MACROD2: variants seen among roughly 807,000 people sequenced by gnomAD.
MACROD2 encodes ADP-ribose glycohydrolase MACROD2.
Under a neutral mutation model 70.4 loss-of-function variants are expected in MACROD2, and 36 were observed. The observed-to-expected ratio is 0.51, with a 90% CI of 0.39 to 0.68. The LOEUF (loss-of-function observed/expected upper bound fraction) is 0.68. Ranked by LOEUF, MACROD2 falls within the 30% of genes least tolerant of loss-of-function variation. The probability of loss-of-function intolerance (pLI) is 0.00; values close to 1 mark genes in which losing one functional copy is unlikely to be tolerated. For missense variants in MACROD2, 496 were observed against 538.4 expected (o/e 0.92, Z 0.78); for synonymous variants, 172 against 178.8 (o/e 0.96, Z 0.30).
At chr20:14,199,630 T>C (rs145969560) in intron 3 of MACROD2, among the ~76,000 whole-genome samples, 1,537 of 152,306 alleles carry the variant, frequency 0.01, 25 homozygotes, top group African/African-American at 0.035. Flanking sequence ...TAGGTTACTA[T>C]GTACCATGTT....
rs537775388 is a variant in MACROD2, at chr20:14,282,119, T to G, written c.271+196391T>G. Among the ~76,000 whole-genome samples, 25 of 152,274 alleles carry G rather than the reference T, an allele frequency of 1.6e-4. No homozygotes were observed. In the East Asian group the frequency reaches 4.1e-3, roughly 25 times the overall value. Reference sequence around the variant, plus strand: ...GAGAATAATTGGATTCTATGTTTGCTTCTACATTCAATTTATTGTAATATA... The same window carrying G: ...GAGAATAATTGGATTCTATGTTTGCGTCTACATTCAATTTATTGTAATATA... On this transcript the variant is annotated intron_variant, in intron 3 of 17. Coordinates refer to ENST00000684519, the MANE Select transcript of MACROD2 (RefSeq NM_001351661.2).
chr20:15,847,904 AG>A (rs2147141998), intron 8 of MACROD2, among the ~76,000 whole-genome samples: 1 of 151,926 alleles, frequency 6.6e-6, no homozygotes, highest in South Asian at 2.1e-4. Flanking sequence ...AGGGAAAAAA[AG>A]ACTGTCTTAC....
intron 8 of MACROD2, among the ~76,000 whole-genome samples, chr20:15,804,446 T>G (rs994413319): frequency 1.3e-5 from 2 of 152,232 alleles, no homozygotes; most frequent in East Asian, 3.8e-4. Context: ...AAATATTCAC[T>G]GATTCTGTAA....
intron 3 of MACROD2, among the ~76,000 whole-genome samples, chr20:14,088,806 G>C (rs1454054488): frequency 1.3e-5 from 2 of 152,098 alleles, no homozygotes; most frequent in African/African-American, 4.8e-5. Flanking sequence ...TTGTTAAATT[G>C]AATTATTTAA....
chr20:15,699,018 C>T (rs536176756), intron 8 of MACROD2, among the ~76,000 whole-genome samples: 28 of 152,266 alleles, frequency 1.8e-4, no homozygotes, highest in South Asian at 1.0e-3. Flanking sequence ...CATTGGGCTA[C>T]GCCTTTCTCT....
chr20:14,191,105 A>G (rs905992198), intron 3 of MACROD2, among the ~76,000 whole-genome samples: 2 of 152,158 alleles, frequency 1.3e-5, no homozygotes, highest in Non-Finnish European at 2.9e-5. Context: ...TACTGTCCAC[A>G]TCTACTTTAC....
chr20:14,103,567 A>G (rs1245595414), intron 3 of MACROD2, among the ~76,000 whole-genome samples: 1 of 152,188 alleles, frequency 6.6e-6, no homozygotes. Flanking sequence ...TGTAAACTAG[A>G]ATAACAGAAC....
intron 5 of MACROD2, among the ~76,000 whole-genome samples, chr20:14,753,714 G>A (rs6034030): frequency 0.046 from 6,989 of 152,074 alleles, 576 homozygotes; most frequent in African/African-American, 0.16. Flanking sequence ...GAAAGTTATC[G>A]CTAGGCAGTT....
Position 15,476,365 on chromosome 20 carries a change from G to C in MACROD2, c.572-23409G>C, listed in dbSNP as rs144983000. Reference sequence around the variant, plus strand: ...AAAAGGAAAATGAAAGTGAAATAAGGAGAATGAGGTATTCCTTAGCCTTCA... The same window carrying C: ...AAAAGGAAAATGAAAGTGAAATAAGCAGAATGAGGTATTCCTTAGCCTTCA... On this transcript the variant is annotated intron_variant, in intron 7 of 17. Coordinates refer to ENST00000684519, the MANE Select transcript of MACROD2 (RefSeq NM_001351661.2). 2.3e-3 allele frequency among the ~76,000 whole-genome samples: 343 copies of C among 152,286 alleles called. 2 individuals are homozygous for C. The highest frequency in any genetic ancestry group is 7.8e-3 in the African/African-American group (325 of 41,556).
intron 4 of MACROD2, among the ~76,000 whole-genome samples, chr20:14,558,961 A>G (rs1979242458): frequency 6.6e-6 from 1 of 151,726 alleles, no homozygotes; most frequent in Admixed American, 6.6e-5. Context: ...CAAGCTTCAT[A>G]TTATAACACA....
At chr20:14,419,052 TG>T (rs200774280) in intron 3 of MACROD2, among the ~76,000 whole-genome samples, 95 of 149,134 alleles carry the variant, frequency 6.4e-4, no homozygotes, top group African/African-American at 6.8e-4. Flanking sequence ...GGATTTTTTT[TG>T]TTTTGTTTTT....
intron 5 of MACROD2, among the ~76,000 whole-genome samples, chr20:15,207,008 T>A (rs1451839390): frequency 6.6e-6 from 1 of 151,314 alleles, no homozygotes; most frequent in African/African-American, 2.4e-5. Flanking sequence ...AGTGCTGGGA[T>A]TACAGGCGTG....
At chr20:16,027,210 G>T (rs1319437483) in intron 15 of MACROD2, among the ~76,000 whole-genome samples, 1 of 152,150 alleles carries the variant, frequency 6.6e-6, no homozygotes, top group African/African-American at 2.4e-5. Context: ...TAGCAGAACC[G>T]CATGCATTTA....
At chr20:15,600,148 C>A (rs978021263) in intron 8 of MACROD2, among the ~76,000 whole-genome samples, 1 of 152,088 alleles carries the variant, frequency 6.6e-6, no homozygotes, top group Non-Finnish European at 1.5e-5. Context: ...ACTCCTCAGG[C>A]CAGTACAGAC....
chr20:14,342,447 C>G (rs2083022907), intron 3 of MACROD2, among the ~76,000 whole-genome samples: 1 of 152,106 alleles, frequency 6.6e-6, no homozygotes, highest in Non-Finnish European at 1.5e-5. Flanking sequence ...CCAGATTTTT[C>G]TGTCAACAGG....
At chr20:15,587,994 AC>A (rs968186089) in intron 8 of MACROD2, among the ~76,000 whole-genome samples, 3 of 152,050 alleles carry the variant, frequency 2.0e-5, no homozygotes, top group African/African-American at 7.3e-5. Flanking sequence ...GGGGGCTTCA[AC>A]CCCACATTTT....
intron 3 of MACROD2, among the ~76,000 whole-genome samples, chr20:14,182,689 T>A (rs1276736233): frequency 6.6e-6 from 1 of 152,150 alleles, no homozygotes; most frequent in African/African-American, 2.4e-5. Flanking sequence ...TCCACAAATG[T>A]TAGTTTTTAA....
chr20:15,703,068 G>T (rs573874404), intron 8 of MACROD2, among the ~76,000 whole-genome samples: 2 of 152,352 alleles, frequency 1.3e-5, no homozygotes, highest in East Asian at 1.9e-4. Context: ...AATAAACGGT[G>T]CTGGGATAGC....
chr20:15,936,157 C>A (rs920968473), intron 11 of MACROD2, among the ~76,000 whole-genome samples: 3 of 150,470 alleles, frequency 2.0e-5, no homozygotes, highest in Non-Finnish European at 4.4e-5. Flanking sequence ...TGTATGTGTG[C>A]ATATGTACTA....
Sources: allele counts gnomAD v4.1 joint callset (sites outside exome capture counted in the v4.1 genomes callset), GRCh38; gene constraint gnomAD v4.1.1; transcripts MANE v1.5; gene names NCBI Gene and HGNC (gene_info 2026-07-23, HGNC 2026-07-21).